CSMD1: variants seen among roughly 807,000 people sequenced by gnomAD.
The protein encoded by CSMD1 is CUB and Sushi multiple domains 1, also known as CUB and sushi domain-containing protein 1.
CSMD1 carries 213 observed loss-of-function variants against 417.5 expected under a neutral mutation model. That is an observed-to-expected ratio of 0.51 (90% confidence interval 0.46 to 0.57). CSMD1 has a LOEUF of 0.57. Ranked by LOEUF, CSMD1 falls within the 20% of genes least tolerant of loss-of-function variation. CSMD1 has a pLI of 0.00. For missense variants in CSMD1, 6,923 were observed against 4,529.7 expected, an observed-to-expected ratio of 1.53 and a Z score of -15.17; for synonymous variants, 2,862 against 1,736.8, an observed-to-expected ratio of 1.65 and a Z score of -16.11.
chr8:4,561,559 G>T (rs1312776216), intron 2 of CSMD1, among the ~76,000 whole-genome samples: 2 of 152,120 alleles, frequency 1.3e-5, no homozygotes, highest in Non-Finnish European at 2.9e-5. Flanking sequence ...GCATGCACCA[G>T]TAGCCCCAGC....
chr8:4,706,152 T>A (rs1005529784), intron 1 of CSMD1, among the ~76,000 whole-genome samples: 3 of 150,832 alleles, frequency 2.0e-5, no homozygotes, highest in African/African-American at 7.3e-5. Context: ...TAAAATTTTA[T>A]GTATTTATAT....
intron 5 of CSMD1, among the ~76,000 whole-genome samples, chr8:3,785,543 C>G (rs182485400): frequency 6.6e-6 from 1 of 152,296 alleles, no homozygotes; most frequent in East Asian, 1.9e-4. Context: ...CAAACACAAT[C>G]AGGGCTTGAA....
At chr8:4,442,452 C>G (rs1228296) in intron 2 of CSMD1, among the ~76,000 whole-genome samples, 124,987 of 152,076 alleles carry the variant, frequency 0.82, 51,429 homozygotes, top group Middle Eastern at 0.89. Context: ...ATAAATACAT[C>G]TACTTACATG....
intron 1 of CSMD1, among the ~76,000 whole-genome samples, chr8:4,937,701 G>C (rs1015407798): frequency 6.6e-6 from 1 of 152,094 alleles, no homozygotes; most frequent in Non-Finnish European, 1.5e-5. Context: ...TTAGGGGTAT[G>C]AACGATTTCT....
intron 18 of CSMD1, among the ~76,000 whole-genome samples, chr8:3,377,160 C>T (rs1419999745): frequency 6.6e-6 from 1 of 152,248 alleles, no homozygotes; most frequent in East Asian, 1.9e-4. Context: ...AGGCACATGC[C>T]AATACCCCCA....
intron 2 of CSMD1, among the ~76,000 whole-genome samples, chr8:4,437,820 G>C (rs973653569): frequency 6.6e-6 from 1 of 152,114 alleles, no homozygotes; most frequent in Non-Finnish European, 1.5e-5. Flanking sequence ...TGGTTGATGG[G>C]CTTGTCTGTA....
intron 3 of CSMD1, among the ~76,000 whole-genome samples, chr8:4,050,907 G>A (rs569948102): frequency 2.6e-5 from 4 of 152,034 alleles, no homozygotes; most frequent in Non-Finnish European, 4.4e-5. Flanking sequence ...CTACCTTTAC[G>A]TGAGTCTTGA....
At chr8:3,734,371 G>T (rs928028921) in intron 6 of CSMD1, among the ~76,000 whole-genome samples, 2 of 152,192 alleles carry the variant, frequency 1.3e-5, no homozygotes, top group African/African-American at 4.8e-5. Flanking sequence ...GTAGAAAAAT[G>T]GATTTGCTTC....
At chr8:3,073,778 A>C (rs1813463722) in intron 49 of CSMD1, among the ~76,000 whole-genome samples, 1 of 140,008 alleles carries the variant, frequency 7.1e-6, no homozygotes, top group African/African-American at 2.6e-5. Context: ...ATAAAATATA[A>C]TGGTCAAAAA....
intron 5 of CSMD1, among the ~76,000 whole-genome samples, chr8:3,938,527 G>T (rs572791780): frequency 2.0e-5 from 3 of 152,158 alleles, no homozygotes; most frequent in Non-Finnish European, 4.4e-5. Context: ...GACAGACTCT[G>T]TTGGGGGATG....
chr8:3,708,288 G>A (rs1801293036), intron 7 of CSMD1, 126 bp downstream of exon 7: 2 of 716,940 alleles, frequency 2.8e-6, no homozygotes, highest in African/African-American at 1.8e-5. Context: ...AAATACTTTT[G>A]GATATAGAAA....
intron 3 of CSMD1, among the ~76,000 whole-genome samples, chr8:4,376,562 C>T (rs1216647723): frequency 6.6e-6 from 1 of 152,004 alleles, no homozygotes; most frequent in Non-Finnish European, 1.5e-5. Flanking sequence ...CATATATTTG[C>T]CTGTTTGTTG....
chr8:3,647,594 T>G (rs1563231263), intron 7 of CSMD1, among the ~76,000 whole-genome samples: 1 of 152,194 alleles, frequency 6.6e-6, no homozygotes, highest in African/African-American at 2.4e-5. Context: ...CACAGCATGT[T>G]GGAACCACTG....
intron 10 of CSMD1, among the ~76,000 whole-genome samples, chr8:3,543,154 G>C (rs1187328797): frequency 1.3e-5 from 2 of 152,144 alleles, no homozygotes; most frequent in Non-Finnish European, 2.9e-5. Context: ...AAGGACAAAA[G>C]TCAATACCCT....
intron 8 of CSMD1, among the ~76,000 whole-genome samples, chr8:3,608,763 C>CA (rs10655689): frequency 0.29 from 40,414 of 139,068 alleles, 6,527 homozygotes; most frequent in Middle Eastern, 0.4. Flanking sequence ...GACTCTGTCT[C>CA]AAAAAAAAAA....
At chr8:3,209,299 A>G (rs756183755) in intron 30 of CSMD1, among the ~76,000 whole-genome samples, 24 of 117,040 alleles carry the variant, frequency 2.1e-4, no homozygotes, top group Middle Eastern at 4.3e-3. Context: ...TTGTTTATTT[A>G]TTTATTTATT....
At chr8:3,511,109 TGTCAGCAAAC>T (rs1797047669) in intron 10 of CSMD1, among the ~76,000 whole-genome samples, 1 of 151,774 alleles carries the variant, frequency 6.6e-6, no homozygotes, top group Non-Finnish European at 1.5e-5. Context: ...AAACCATCAC[TGTCAGCAAAC>T]TAACAAAGGA....
In CSMD1 at chr8:4,145,485, C is replaced by T. The variant is rs557110760; in HGVS notation, c.416-113386G>A. Reference sequence around the variant, plus strand: ...ATTGAAATATATACGGTAAACTAGACGGCATGTGAGCCCTGTCACCCTCAA... The same window carrying T: ...ATTGAAATATATACGGTAAACTAGATGGCATGTGAGCCCTGTCACCCTCAA... On this transcript the variant is annotated intron_variant, in intron 3 of 69. Transcript: ENST00000635120. Among the ~76,000 whole-genome samples the T allele has an allele frequency of 1.5e-4, 22 of 151,172 alleles. No individual in the cohort carries two copies. In the South Asian group the frequency reaches 3.1e-3, roughly 21 times the overall value.
At chr8:3,234,828 C>A (rs1213904903) in intron 26 of CSMD1, among the ~76,000 whole-genome samples, 1 of 152,212 alleles carries the variant, frequency 6.6e-6, no homozygotes, top group Non-Finnish European at 1.5e-5. Context: ...CAAAGGGGTA[C>A]CCTTCCTGAA....
Sources: gnomAD v4.1 joint callset for allele counts (sites outside exome capture counted in the v4.1 genomes callset) on GRCh38, gnomAD v4.1.1 for gene constraint, MANE v1.5 for transcripts, NCBI Gene and HGNC (gene_info 2026-07-23, HGNC 2026-07-21) for gene names.